Variants in ZBTB20 observed in about 807,000 individuals in gnomAD.
ZBTB20 encodes zinc finger and BTB domain-containing protein 20.
Under a neutral mutation model 56.9 loss-of-function variants are expected in ZBTB20, and 9 were observed. The observed-to-expected ratio is 0.16, with a 90% CI of 0.10 to 0.28. The LOEUF is 0.28. Among genes scored for constraint, ZBTB20 ranks in the 10% least tolerant of loss-of-function variants. ZBTB20 has a pLI of 1.00. For synonymous variants in ZBTB20, 417 were observed against 420.7 expected (o/e 0.99, Z 0.11); for missense variants, 655 against 1,003.0 (o/e 0.65, Z 4.69).
intron 2 of ZBTB20, among the ~76,000 whole-genome samples, chr3:115,012,474 A>G (rs928706639): frequency 4.0e-5 from 6 of 151,782 alleles, no homozygotes; most frequent in Non-Finnish European, 8.8e-5. Context: ...AGAGACAAAG[A>G]AGGTCACCAC....
At chr3:114,484,798 A>AGT (rs146057079) in intron 7 of ZBTB20, among the ~76,000 whole-genome samples, 11,422 of 150,522 alleles carry the variant, frequency 0.076, 472 homozygotes, top group Non-Finnish European at 0.092. Flanking sequence ...ATATCAATAG[A>AGT]GTGTGTGTGT....
At chr3:114,937,990 T>C (rs2076601322) in intron 3 of ZBTB20, among the ~76,000 whole-genome samples, 3 of 151,640 alleles carry the variant, frequency 2.0e-5, no homozygotes, top group Admixed American at 1.3e-4. Context: ...CTGGGACTAC[T>C]TGGGAGGCTG....
chr3:115,036,811 T>C (rs1394210719), intron 2 of ZBTB20, among the ~76,000 whole-genome samples: 1 of 152,182 alleles, frequency 6.6e-6, no homozygotes, highest in Non-Finnish European at 1.5e-5. Context: ...AGCATTAACC[T>C]TTTTTCTAAT....
rs2078013941 is a variant in ZBTB20 at position 114,974,384 on chromosome 3, C to G, written c.-474G>C. The G allele has an allele frequency of 6.6e-6, 1 of 152,012 alleles. No individual in the cohort carries two copies. Among genetic ancestry groups the G allele is most frequent in the Non-Finnish European group, 1.5e-5 (1 of 67,954 alleles). 9.4% of individuals were successfully genotyped at this position (152,012 alleles called of 1,614,324 possible). A position where few individuals can be genotyped will look rare whatever the true frequency, so the allele number is the denominator to read the frequency against. ...ACATTACCTTCAGCCTTCAGAGTCC[C>G]AAAGGCAATTCTTAACACTTCTTTT... is the stretch of plus-strand genomic sequence containing the variant. On this transcript the variant is annotated 5_prime_UTR_variant, in exon 3 of 12. Coordinates refer to ENST00000675478, the MANE Select transcript of ZBTB20 (RefSeq NM_001348800.3).
At chr3:114,902,883 C>T (rs980592466) in intron 3 of ZBTB20, among the ~76,000 whole-genome samples, 1 of 152,106 alleles carries the variant, frequency 6.6e-6, no homozygotes, top group Non-Finnish European at 1.5e-5. Context: ...TAGAGCAAAC[C>T]ACTTTTGTTA....
chr3:114,783,829 G>A (rs2070295814), intron 5 of ZBTB20, among the ~76,000 whole-genome samples: 1 of 151,352 alleles, frequency 6.6e-6, no homozygotes, highest in African/African-American at 2.4e-5. Flanking sequence ...GGAAGATGAT[G>A]GTGATGATGT....
At chr3:114,516,339 C>T (rs781125431) in intron 6 of ZBTB20, among the ~76,000 whole-genome samples, 1 of 152,106 alleles carries the variant, frequency 6.6e-6, no homozygotes, top group Non-Finnish European at 1.5e-5. Flanking sequence ...ACATTCATGC[C>T]CCTTGTACTT....
chr3:114,774,386 CCA>C (rs2069436350), intron 5 of ZBTB20, among the ~76,000 whole-genome samples: 1 of 152,066 alleles, frequency 6.6e-6, no homozygotes, highest in Non-Finnish European at 1.5e-5. Flanking sequence ...TCCATGGAGG[CCA>C]CACATGGAAG....
chr3:114,903,272 G>A (rs147638811), intron 3 of ZBTB20, among the ~76,000 whole-genome samples: 94 of 152,152 alleles, frequency 6.2e-4, no homozygotes, highest in Admixed American at 1.2e-3. Flanking sequence ...CTCACCCTAC[G>A]AGGTTGTCTA....
At chr3:114,958,400 T>G (rs1052059114) in intron 3 of ZBTB20, among the ~76,000 whole-genome samples, 4 of 152,338 alleles carry the variant, frequency 2.6e-5, no homozygotes, top group Admixed American at 6.5e-5. Flanking sequence ...ATTTAAAAAT[T>G]TTTTAATGAA....
intron 6 of ZBTB20, among the ~76,000 whole-genome samples, chr3:114,506,494 GT>G (rs2044630134): frequency 6.6e-6 from 1 of 152,078 alleles, no homozygotes; most frequent in South Asian, 2.1e-4. Flanking sequence ...GACCGAATTT[GT>G]TTAATACATT....
rs142205442 is a variant in ZBTB20, at chr3:114,820,729, T to C, written c.-416-19555A>G. ...TACTTTTGTGCATAAAGAACATCTA[T>C]TGAGATATTGAGATACTTGACTTTT... On this transcript the variant is annotated intron_variant, in intron 4 of 11. Coordinates refer to ENST00000675478, the MANE Select transcript of ZBTB20 (RefSeq NM_001348800.3). 5.8e-3 allele frequency among the ~76,000 whole-genome samples: 877 copies of C among 152,186 alleles called. 1 individual carries two copies. Among genetic ancestry groups the C allele is most frequent in the Non-Finnish European group, 7.4e-3 (501 of 67,982 alleles).
At chr3:114,566,260 A>G (rs2052736152) in intron 6 of ZBTB20, among the ~76,000 whole-genome samples, 1 of 152,142 alleles carries the variant, frequency 6.6e-6, no homozygotes, top group Non-Finnish European at 1.5e-5. Flanking sequence ...CTTTCTAACC[A>G]GTTCTTTTGG....
chr3:114,612,660 C>T (rs2057647211), intron 6 of ZBTB20, among the ~76,000 whole-genome samples: 1 of 152,124 alleles, frequency 6.6e-6, no homozygotes, highest in South Asian at 2.1e-4. Flanking sequence ...AGACATACTA[C>T]TACACTAATG....
intron 4 of ZBTB20, among the ~76,000 whole-genome samples, chr3:114,838,669 T>C (rs929766076): frequency 5.9e-5 from 9 of 152,250 alleles, no homozygotes; most frequent in East Asian, 1.9e-4. Flanking sequence ...AATCCTAGAA[T>C]AGTAATACTA....
chr3:114,940,099 A>T lies in ZBTB20; in HGVS notation c.-456+34267T>A, dbSNP rs548079770. ...TGTTCACTAGTGCATTCATTTTTTCAACATGTGATTAAACAGTTTGAGAGT... is the reference window on the plus strand; with the variant it reads ...TGTTCACTAGTGCATTCATTTTTTCTACATGTGATTAAACAGTTTGAGAGT... On this transcript the variant is annotated intron_variant, in intron 3 of 11. Coordinates refer to ENST00000675478, the MANE Select transcript of ZBTB20 (RefSeq NM_001348800.3). Among the ~76,000 whole-genome samples, 921 of 145,904 alleles carry T rather than the reference A, an allele frequency of 6.3e-3. 199 individuals carry two copies. The highest frequency in any genetic ancestry group is 0.024 in the African/African-American group (846 of 35,680).
chr3:114,589,150 A>G (rs1375742091), intron 6 of ZBTB20, among the ~76,000 whole-genome samples: 2 of 152,186 alleles, frequency 1.3e-5, no homozygotes, highest in Non-Finnish European at 2.9e-5. Context: ...TTGGGTGAGG[A>G]CACAGCCAAA....
chr3:115,111,833 T>C lies in ZBTB20; in HGVS notation c.-703+35386A>G, dbSNP rs566881777. Reference sequence around the variant, plus strand: ...GGCACAGAAGAAATGTTACCATGACTAATCAAAACAGATGCTGGCTGTAAA... The same window carrying C: ...GGCACAGAAGAAATGTTACCATGACCAATCAAAACAGATGCTGGCTGTAAA... On this transcript the variant is annotated intron_variant, in intron 1 of 11. Transcript: ENST00000675478. Among the ~76,000 whole-genome samples the C allele has an allele frequency of 5.9e-5, 9 of 152,298 alleles. No individual in the cohort carries two copies. In the South Asian group the frequency reaches 1.9e-3, roughly 32 times the overall value.
chr3:114,806,590 G>C (rs890636207), intron 4 of ZBTB20, among the ~76,000 whole-genome samples: 1 of 151,904 alleles, frequency 6.6e-6, no homozygotes, highest in African/African-American at 2.4e-5. Context: ...AAGTGCAAAA[G>C]TTTTAAATTT....
Sources: gnomAD v4.1 joint callset for allele counts (sites outside exome capture counted in the v4.1 genomes callset) on GRCh38, gnomAD v4.1.1 for gene constraint, MANE v1.5 for transcripts, NCBI Gene and HGNC (gene_info 2026-07-23, HGNC 2026-07-21) for gene names.